Variants in GALNT16 observed in about 807,000 individuals in gnomAD.
GALNT16 encodes the protein polypeptide N-acetylgalactosaminyltransferase 16.
Under a neutral mutation model 76.1 loss-of-function variants are expected in GALNT16, and 40 were observed. That is an observed-to-expected ratio of 0.53 (90% confidence interval 0.41 to 0.68). The LOEUF (loss-of-function observed/expected upper bound fraction) is 0.68. GALNT16 is among the 30% of genes least tolerant of loss of function. The pLI is 0.00. For missense variants in GALNT16, 621 were observed against 731.9 expected, an observed-to-expected ratio of 0.85 and a Z score of 1.75; for synonymous variants, 276 against 285.2, an observed-to-expected ratio of 0.97 and a Z score of 0.32.
At chr14:69,334,370 G>A (rs1482487821) in intron 9 of GALNT16, among the ~76,000 whole-genome samples, 1 of 152,224 alleles carries the variant, frequency 6.6e-6, no homozygotes, top group African/African-American at 2.4e-5. Flanking sequence ...CTGGACTCCA[G>A]TATGTGTGGG....
downstream of GALNT16, among the ~76,000 whole-genome samples, chr14:69,360,604 TA>T (rs34205304): frequency 0.23 from 27,168 of 116,030 alleles, 2,580 homozygotes; most frequent in Middle Eastern, 0.32. Context: ...TGAGACTGTC[TA>T]AAAAAAAAAG....
rs369126622 is a variant in GALNT16, at chr14:69,324,677, G to A, written c.336-15G>A. ...GCCCTCATGGCTGGCTCTGACCTCT[G>A]TGCTCCCTTCTCAGCTGCCCATCTG... On this transcript the variant is annotated splice_polypyrimidine_tract_variant and intron_variant, in intron 2 of 14. Transcript: ENST00000448469. 1.3e-6 allele frequency: 2 copies of A among 1,541,566 alleles called. No homozygotes were observed. The highest frequency in any genetic ancestry group is 1.4e-5 in the African/African-American group (1 of 73,468).
chr14:69,299,040 A>T (rs1025035738), intron 1 of GALNT16, among the ~76,000 whole-genome samples: 5 of 152,252 alleles, frequency 3.3e-5, no homozygotes, highest in Non-Finnish European at 5.9e-5. Flanking sequence ...TGGATGAAGC[A>T]TAAGAAACAT....
chr14:69,260,530 G>A, intron 1 of GALNT16, 63 bp downstream of exon 1: 1 of 1,186,786 alleles, frequency 8.4e-7, no homozygotes, highest in East Asian at 3.3e-5. Context: ...CAGACCCTGC[G>A]CGGCGGCCGA....
At chr14:69,382,789 C>CAAAAAAAAAAAA in the GALNT16 span, among the ~76,000 whole-genome samples, 6 of 103,134 alleles carry the variant, frequency 5.8e-5, no homozygotes, top group South Asian at 3.4e-4. Context: ...ACTCTATCTC[C>CAAAAAAAAAAAA]AAAAGAAAAA....
intron 1 of GALNT16, among the ~76,000 whole-genome samples, chr14:69,316,779 G>GGT (rs77086389): frequency 1.5e-5 from 2 of 133,972 alleles, no homozygotes; most frequent in African/African-American, 5.5e-5. Context: ...GTCTGTGAGG[G>GGT]GGGGGGGCAC....
intron 1 of GALNT16, among the ~76,000 whole-genome samples, chr14:69,311,238 G>A (rs2045015973): frequency 6.6e-6 from 1 of 152,194 alleles, no homozygotes; most frequent in Admixed American, 6.5e-5. Flanking sequence ...TTGTTGCTGT[G>A]TATTCCAGAG....
chr14:69,340,006 G>A (rs1038231356), intron 11 of GALNT16, among the ~76,000 whole-genome samples: 8 of 152,160 alleles, frequency 5.3e-5, no homozygotes, highest in Non-Finnish European at 1.2e-4. Context: ...TAGGACTATG[G>A]TCTAGTTAAG....
At chr14:69,345,375 C>A (rs544710249) in intron 12 of GALNT16, among the ~76,000 whole-genome samples, 1 of 152,114 alleles carries the variant, frequency 6.6e-6, no homozygotes, top group Non-Finnish European at 1.5e-5. Flanking sequence ...TCTCTCTGAG[C>A]CTCCTGTGAG....
At position 69,324,885 on chromosome 14, in the gene GALNT16, T is replaced by C; in HGVS notation, c.434+95T>C. ...GCCAGACAGCTTGAAGCCCAGCAGG[T>C]GCTGGAGGCTGAGTCCTGTACTTCT... On this transcript the variant is annotated intron_variant, in intron 3 of 14. Transcript: ENST00000448469. The C allele has an allele frequency of 2.8e-6, 2 of 722,116 alleles. 1 individual carries two copies. The highest frequency in any genetic ancestry group is 4.0e-5 in the South Asian group (2 of 50,076). 44.7% of individuals were successfully genotyped at this position (722,116 alleles called of 1,614,324 possible).
At chr14:69,328,056 A>G (rs2045307455) in intron 5 of GALNT16, among the ~76,000 whole-genome samples, 3 of 152,192 alleles carry the variant, frequency 2.0e-5, no homozygotes, top group Admixed American at 2.0e-4. Flanking sequence ...GATTATCTCC[A>G]TGCTACACAT....
the GALNT16 span, among the ~76,000 whole-genome samples, chr14:69,384,104 T>C: frequency 6.6e-6 from 1 of 152,246 alleles, no homozygotes; most frequent in Non-Finnish European, 1.5e-5. Context: ...ATTTTCATAT[T>C]GTTGAAAAAA....
chr14:69,296,256 G>A (rs934437127), intron 1 of GALNT16, among the ~76,000 whole-genome samples: 6 of 152,134 alleles, frequency 3.9e-5, no homozygotes, highest in African/African-American at 1.4e-4. Flanking sequence ...AAGGGGGATG[G>A]TGTTAAACTA....
intron 1 of GALNT16, among the ~76,000 whole-genome samples, chr14:69,291,303 A>G (rs1391474828): frequency 1.3e-5 from 2 of 152,162 alleles, no homozygotes; most frequent in East Asian, 3.9e-4. Context: ...CAAAAAATAA[A>G]GTAAAATAAA....
intron 1 of GALNT16, among the ~76,000 whole-genome samples, chr14:69,280,509 G>A (rs2044526458): frequency 6.6e-6 from 1 of 152,228 alleles, no homozygotes; most frequent in South Asian, 2.1e-4. Flanking sequence ...CAAACATGGT[G>A]TACAAGTATC....
intron 1 of GALNT16, among the ~76,000 whole-genome samples, chr14:69,307,802 G>A (rs571837404): frequency 6.6e-6 from 1 of 152,294 alleles, no homozygotes; most frequent in South Asian, 2.1e-4. Context: ...TTGCCCATGT[G>A]CCTAAGTACC....
intron 2 of GALNT16, 57 bp from the exon 3 acceptor site, chr14:69,324,635 T>C: frequency 1.1e-6 from 1 of 938,826 alleles, no homozygotes. Context: ...AGAAAAACAT[T>C]GACCTGCCCT....
intron 1 of GALNT16, among the ~76,000 whole-genome samples, chr14:69,291,920 C>G (rs566229408): frequency 1.3e-5 from 2 of 152,302 alleles, no homozygotes; most frequent in African/African-American, 4.8e-5. Flanking sequence ...CTATAGTAGG[C>G]ACCCGAAGTC....
intron 1 of GALNT16, among the ~76,000 whole-genome samples, chr14:69,267,653 G>A (rs2044357729): frequency 6.6e-6 from 1 of 152,198 alleles, no homozygotes; most frequent in Non-Finnish European, 1.5e-5. Flanking sequence ...GGAAACAGAT[G>A]TTGGCTGTCA....
Sources: allele counts gnomAD v4.1 joint callset (sites outside exome capture counted in the v4.1 genomes callset), GRCh38; gene constraint gnomAD v4.1.1; transcripts MANE v1.5; gene names NCBI Gene and HGNC (gene_info 2026-07-23, HGNC 2026-07-21).